Variants in SLC9A9 observed in about 807,000 individuals in gnomAD.
SLC9A9 encodes sodium/hydrogen exchanger 9.
Under a neutral mutation model 77.8 loss-of-function variants are expected in SLC9A9, and 62 were observed. The ratio of observed to expected loss-of-function variants is 0.80; its 90% CI spans 0.65 to 0.98. The LOEUF is 0.98. Ranked by LOEUF, SLC9A9 falls within the 50% of genes least tolerant of loss-of-function variation. The pLI is 0.00. For missense variants in SLC9A9, 775 were observed against 774.9 expected (o/e 1.00, Z 0.00); for synonymous variants, 320 against 283.5 (o/e 1.13, Z -1.29).
At chr3:143,572,296 GGTGTGTGTGTGT>G in intron 8 of SLC9A9, among the ~76,000 whole-genome samples, 1 of 148,788 alleles carries the variant, frequency 6.7e-6, no homozygotes, top group Non-Finnish European at 1.5e-5. Context: ...CTTAGGCAAT[GGTGTGTGTGTGT>G]GTGTGTGTGT....
chr3:143,715,225 G>A (rs1388635569), intron 4 of SLC9A9, among the ~76,000 whole-genome samples: 2 of 152,132 alleles, frequency 1.3e-5, no homozygotes, highest in Non-Finnish European at 2.9e-5. Context: ...TCTCTTTAGG[G>A]TCTGTATGGG....
chr3:143,334,839 T>C (rs1352545306), intron 14 of SLC9A9, among the ~76,000 whole-genome samples: 1 of 152,124 alleles, frequency 6.6e-6, no homozygotes, highest in African/African-American at 2.4e-5. Flanking sequence ...TGTAATGCAT[T>C]TCAGAAAACT....
intron 4 of SLC9A9, among the ~76,000 whole-genome samples, chr3:143,699,394 C>T (rs1037278408): frequency 1.3e-5 from 2 of 152,108 alleles, no homozygotes; most frequent in African/African-American, 2.4e-5. Context: ...CTGGTTTTGA[C>T]TTCATATAGC....
intron 12 of SLC9A9, among the ~76,000 whole-genome samples, chr3:143,422,708 G>C (rs975469961): frequency 6.6e-5 from 10 of 152,098 alleles, no homozygotes; most frequent in Admixed American, 6.6e-4. Flanking sequence ...TCATGTAACA[G>C]ACCTGCATGT....
intron 4 of SLC9A9, among the ~76,000 whole-genome samples, chr3:143,712,364 A>T (rs540068541): frequency 5.1e-4 from 78 of 152,334 alleles, no homozygotes; most frequent in African/African-American, 1.8e-3. Context: ...GTTCAGAGGA[A>T]GAGGAAAGAA....
intron 12 of SLC9A9, among the ~76,000 whole-genome samples, chr3:143,418,118 T>C (rs1293215813): frequency 6.6e-6 from 1 of 150,496 alleles, no homozygotes; most frequent in Non-Finnish European, 1.5e-5. Context: ...TATCACTCAC[T>C]AGTCACAAAA....
intron 9 of SLC9A9, among the ~76,000 whole-genome samples, chr3:143,498,050 A>T (rs1014965170): frequency 2.0e-5 from 3 of 152,096 alleles, no homozygotes; most frequent in Non-Finnish European, 4.4e-5. Context: ...TGTTTTAGTG[A>T]TTTGCTTCCT....
chr3:143,689,263 C>A (rs904488457), intron 5 of SLC9A9, among the ~76,000 whole-genome samples: 1 of 152,088 alleles, frequency 6.6e-6, no homozygotes, highest in Non-Finnish European at 1.5e-5. Context: ...CAAAGAAACA[C>A]TGTCAAAATG....
rs115631365 is a variant in SLC9A9, at chr3:143,335,864, A to T, written c.1604+27620T>A. ...ATATTGGACTCAAATGATTTCTTGG[A>T]TATAGCATCAAAAGCACAGACAATA... is the stretch of plus-strand genomic sequence containing the variant. On this transcript the variant is annotated intron_variant, in intron 14 of 15. Coordinates refer to ENST00000316549, the MANE Select transcript of SLC9A9 (RefSeq NM_173653.4). Among the ~76,000 whole-genome samples, 1,320 of 152,278 alleles carry T rather than the reference A, an allele frequency of 8.7e-3. 24 individuals are homozygous for T. The highest frequency in any genetic ancestry group is 0.03 in the African/African-American group (1,251 of 41,584).
rs1200091128 is a variant in SLC9A9, at chr3:143,796,845, G to A, written c.437C>T (p.Ala146Val). 1 of 1,609,056 alleles carries A rather than the reference G, an allele frequency of 6.2e-7. No homozygotes were observed. Among genetic ancestry groups the A allele is most frequent in the East Asian group, 2.2e-5 (1 of 44,682 alleles). Reference sequence around the variant, plus strand: ...ATTTACCTTCTTTAGACTATATCCTGCATGAAATATAATTGGTGGCAGTAA... The same window carrying A: ...ATTTACCTTCTTTAGACTATATCCTACATGAAATATAATTGGTGGCAGTAA... ...NVLLPPIIFH[A>V]GYSLKKRHFF... The change falls in exon 3 of 16, where the codon GCA becomes GTA. Residue 146 changes from alanine to valine, a missense_variant. Physicochemically the swap from Ala to Val is moderately conservative, Grantham distance 64. Transcript: ENST00000316549.
At chr3:143,663,610 A>G (rs2039015739) in intron 5 of SLC9A9, among the ~76,000 whole-genome samples, 2 of 152,244 alleles carry the variant, frequency 1.3e-5, no homozygotes, top group Non-Finnish European at 2.9e-5. Flanking sequence ...ACCAGTGTAG[A>G]GAAGACCTTA....
Position 143,266,028 on chromosome 3 carries a change from G to A in SLC9A9, c.*674C>T, listed in dbSNP as rs1200942672. The A allele has an allele frequency of 5.7e-6, 4 of 702,078 alleles. No homozygotes were observed. In the Admixed American group the frequency reaches 8.0e-5, roughly 14 times the overall value. The allele number at this position is 702,078 out of a possible 1,614,324, so 43.5% of individuals were successfully genotyped here. On this transcript the variant is annotated 3_prime_UTR_variant, in exon 16 of 16. Transcript: ENST00000316549. ...TGGTCCTACTAAGCTTGAAAGTGGTGCTGCATTTAGGGCAGGGCACACCCA... is the reference window on the plus strand; with the variant it reads ...TGGTCCTACTAAGCTTGAAAGTGGTACTGCATTTAGGGCAGGGCACACCCA...
At chr3:143,584,551 A>G (rs1385547563) in intron 6 of SLC9A9, among the ~76,000 whole-genome samples, 1 of 152,242 alleles carries the variant, frequency 6.6e-6, no homozygotes, top group Non-Finnish European at 1.5e-5. Flanking sequence ...GAAAATGATT[A>G]CTGTAGCCAA....
chr3:143,585,151 C>T (rs2037520845), intron 6 of SLC9A9, among the ~76,000 whole-genome samples: 1 of 152,196 alleles, frequency 6.6e-6, no homozygotes, highest in Admixed American at 6.5e-5. Context: ...CAGGTCTATA[C>T]ACTTCCAGCC....
intron 4 of SLC9A9, among the ~76,000 whole-genome samples, chr3:143,775,269 G>A (rs569361510): frequency 6.6e-6 from 1 of 152,286 alleles, no homozygotes; most frequent in African/African-American, 2.4e-5. Context: ...CTTATATAGT[G>A]TTTGGCACTT....
intron 13 of SLC9A9, among the ~76,000 whole-genome samples, chr3:143,369,742 A>G (rs1018712335): frequency 1.3e-5 from 2 of 152,196 alleles, no homozygotes; most frequent in Non-Finnish European, 2.9e-5. Flanking sequence ...CTCATTTTTC[A>G]TAAATAGAAT....
chr3:143,495,024 AT>A (rs1249050220), intron 10 of SLC9A9, among the ~76,000 whole-genome samples: 1 of 152,208 alleles, frequency 6.6e-6, no homozygotes, highest in Non-Finnish European at 1.5e-5. Context: ...CACAGACATA[AT>A]TTTTATGTAA....
Position 143,632,265 on chromosome 3 carries a change from T to A in SLC9A9, c.755+19990A>T, listed in dbSNP as rs560627428. ...TGGAGGCAGATGACTTAGAGGGAAT[T>A]TCTGGTTGACAAAACAGCAGGCACA... On this transcript the variant is annotated intron_variant, in intron 6 of 15. Coordinates refer to ENST00000316549, the MANE Select transcript of SLC9A9 (RefSeq NM_173653.4). Among the ~76,000 whole-genome samples, 9 of 152,192 alleles carry A rather than the reference T, an allele frequency of 5.9e-5. No individual in the cohort carries two copies. The South Asian group carries it at 1.9e-3, about 32-fold the overall frequency.
chr3:143,813,352 C>A (rs370336263), intron 2 of SLC9A9, among the ~76,000 whole-genome samples: 1 of 152,042 alleles, frequency 6.6e-6, no homozygotes, highest in East Asian at 1.9e-4. Flanking sequence ...ACACACCAGC[C>A]GGGGAGTACT....
Sources: gnomAD v4.1 joint callset for allele counts (sites outside exome capture counted in the v4.1 genomes callset) on GRCh38, gnomAD v4.1.1 for gene constraint, MANE v1.5 for transcripts, NCBI Gene and HGNC (gene_info 2026-07-23, HGNC 2026-07-21) for gene names.